HCN4: variants seen among roughly 807,000 people sequenced by gnomAD.
HCN4 encodes the protein potassium/sodium hyperpolarization-activated cyclic nucleotide-gated channel 4.
In HCN4, 29 loss-of-function variants were observed where a neutral mutation model predicts 76.9. The ratio of observed to expected loss-of-function variants is 0.38; its 90% CI spans 0.28 to 0.51. The LOEUF is 0.51. Ranked by LOEUF, HCN4 falls within the 20% of genes least tolerant of loss-of-function variation. The pLI is 0.90. For synonymous variants in HCN4, 772 were observed against 762.5 expected, an observed-to-expected ratio of 1.01 and a Z score of -0.21; for missense variants, 1,416 against 1,715.2, an observed-to-expected ratio of 0.83 and a Z score of 3.08.
At chr15:73,362,521 A>C (rs757721220) in intron 1 of HCN4, among the ~76,000 whole-genome samples, 1 of 152,248 alleles carries the variant, frequency 6.6e-6, no homozygotes, top group Non-Finnish European at 1.5e-5. Context: ...ATGACATTAC[A>C]GCAGGACAAG....
chr15:73,355,556 C>T (rs553352567), intron 1 of HCN4, among the ~76,000 whole-genome samples: 6 of 152,284 alleles, frequency 3.9e-5, no homozygotes, highest in African/African-American at 9.6e-5. Context: ...TTCCAGGGTA[C>T]ATGAGGGGCT....
chr15:73,342,474 G>A (rs1367180755), intron 2 of HCN4: 1 of 152,272 alleles, frequency 6.6e-6, no homozygotes, highest in African/African-American at 2.4e-5. Flanking sequence ...GGCTGGCAGT[G>A]CCTTGAACCA....
chr15:73,334,632 C>T (rs1184262832), intron 2 of HCN4, among the ~76,000 whole-genome samples: 1 of 151,946 alleles, frequency 6.6e-6, no homozygotes, highest in Non-Finnish European at 1.5e-5. Context: ...TGACACAGCA[C>T]CATTCACGGT....
rs555438870 is a variant in HCN4, at chr15:73,338,826, G to A, written c.1209+4559C>T. Among the ~76,000 whole-genome samples the A allele has an allele frequency of 7.9e-5, 12 of 152,366 alleles. No homozygotes were observed. The South Asian group carries it at 1.2e-3, about 16-fold the overall frequency. Reference sequence around the variant, plus strand: ...CCTGGCAGAACAGGCTGCTGCATATGCATGCTGGGTGCAGTTTGAAGGCAG... The same window carrying A: ...CCTGGCAGAACAGGCTGCTGCATATACATGCTGGGTGCAGTTTGAAGGCAG... On this transcript the variant is annotated intron_variant, in intron 2 of 7. Transcript: ENST00000261917.
chr15:73,328,502 A>G lies in HCN4; in HGVS notation c.1590+1071T>C, dbSNP rs1345769427. Among the ~76,000 whole-genome samples, 2 of 151,976 alleles carry G rather than the reference A, an allele frequency of 1.3e-5. No individual in the cohort carries two copies. Among genetic ancestry groups the G allele is most frequent in the Non-Finnish European group, 2.9e-5 (2 of 68,006 alleles). On this transcript the variant is annotated intron_variant, in intron 4 of 7. Coordinates refer to ENST00000261917, the MANE Select transcript of HCN4 (RefSeq NM_005477.3). The surrounding 1 kb of genome is among the most constrained non-coding windows in gnomAD (Gnocchi z 4.0). ...CTGACGTGTTTTAGATGCCGCTCCA[A>G]CTGCTGTGTGAGGTGTGCAGTGGAA...
chr15:73,324,865 G>T, intron 6 of HCN4, 90 bp downstream of exon 6: 1 of 1,521,096 alleles, frequency 6.6e-7, no homozygotes, highest in Non-Finnish European at 9.0e-7. Context: ...TGGCCAAGAA[G>T]GGTGCTCACT....
Position 73,324,207 on chromosome 15 carries a change from G to T in HCN4, c.2025C>A (p.Ala675=). 1 of 1,614,044 alleles carries T rather than the reference G, an allele frequency of 6.2e-7. No homozygotes were observed. Among genetic ancestry groups the T allele is most frequent in the Non-Finnish European group, 8.5e-7 (1 of 1,179,966 alleles). Residue 675 remains alanine (A), a synonymous_variant, in exon 7 of 8, where the codon GCC becomes GCA. Transcript: ENST00000261917. ...GCGAGTAGAGGCGGCAGTAGGTGTC[G>T]GCCCTCACGCTGGCTGTGCGCCGGC... ...TRGRRTASVR[A]DTYCRLYSLS...
At chr15:73,359,899 C>A (rs1212212570) in intron 1 of HCN4, among the ~76,000 whole-genome samples, 2 of 152,230 alleles carry the variant, frequency 1.3e-5, no homozygotes, top group Non-Finnish European at 2.9e-5. Context: ...ACCCCAATCA[C>A]CGCCATCCAT....
In HCN4 at chr15:73,323,289, G is replaced by T. The variant is rs775803239; in HGVS notation, c.2804C>A (p.Ser935Tyr). 3.1e-5 allele frequency: 47 copies of T among 1,538,986 alleles called. No individual in the cohort carries two copies. The African/African-American group carries it at 5.3e-4, about 17-fold the overall frequency. The change falls in exon 8 of 8, where the codon TCC becomes TAC. Residue 935 changes from serine to tyrosine, a missense_variant. Ser to Tyr is a moderately radical substitution (Grantham distance 144, BLOSUM62 -2). Around this residue, in one of 6 missense-constraint regions of HCN4, gnomAD observed 633 missense variants for 579.8 expected, o/e 1.09. Transcript: ENST00000261917. ...GGGAGATGGCTGGGCAGCCTGCGGG[G>T]AGCGGGCGCCTGGCTGCAGCGGGGT... ...LLTPLQPGAR[S>Y]PQAAQPSPAP...
chr15:73,324,307 G>C (rs1033909122), intron 6 of HCN4, 54 bp from the exon 7 acceptor site: 143 of 1,587,168 alleles, frequency 9.0e-5, no homozygotes, highest in Non-Finnish European at 1.1e-4. Context: ...CCAGGCCAGG[G>C]GGACTGCCCA....
In HCN4 at chr15:73,322,841, C is replaced by G; in HGVS notation, c.3252G>C (p.Lys1084Asn). The G allele has an allele frequency of 2.6e-6, 4 of 1,516,672 alleles. No homozygotes were observed. The highest frequency in any genetic ancestry group is 3.5e-6 in the Non-Finnish European group (4 of 1,134,616). The allele number at this position is 1,516,672 out of a possible 1,614,324, so 94.0% of individuals were successfully genotyped here. A position where few individuals can be genotyped will look rare whatever the true frequency, so the allele number is the denominator to read the frequency against. ...GGGCTGGCTGAGACGCGGAGATGAG[C>G]TTGAGGTCCTGGGTGAGGCGGCCGG... is the stretch of plus-strand genomic sequence containing the variant. ...LTPGRLTQDL[K>N]LISASQPALP... Residue 1084 changes from lysine (K) to asparagine (N), a missense_variant, in exon 8 of 8, where the codon AAG (lysine) becomes AAC (asparagine). Coordinates refer to ENST00000261917, the MANE Select transcript of HCN4 (RefSeq NM_005477.3).
At chr15:73,352,665 A>C (rs1255110419) in intron 1 of HCN4, among the ~76,000 whole-genome samples, 1 of 152,146 alleles carries the variant, frequency 6.6e-6, no homozygotes, top group Non-Finnish European at 1.5e-5. Flanking sequence ...CCAACCACCC[A>C]TAATAAGCCT....
rs1443740780 is a variant in HCN4, at chr15:73,325,487, G to T, written c.1591-43C>A. ...GGGCGTCAGCTCCACCCCACCAGGG[G>T]GCGTCAGCAGCCAGCCCCACCACCT... On this transcript the variant is annotated intron_variant, in intron 4 of 7. Transcript: ENST00000261917. The surrounding 1 kb of genome is among the most constrained non-coding windows in gnomAD (Gnocchi z 7.4). The T allele has an allele frequency of 6.2e-7, 1 of 1,610,082 alleles. No individual in the cohort carries two copies.
rs1490571432 is a variant in HCN4, at chr15:73,343,380, C to A, written c.1209+5G>T. ...TCCCCCAAGAGGTTTGCACTGACCACTTACCTCTTCCCACTGGTGAATATA... is the reference window on the plus strand; with the variant it reads ...TCCCCCAAGAGGTTTGCACTGACCAATTACCTCTTCCCACTGGTGAATATA... On this transcript the variant is annotated splice_donor_5th_base_variant and intron_variant, in intron 2 of 7. Coordinates refer to ENST00000261917, the MANE Select transcript of HCN4 (RefSeq NM_005477.3). This position sits in a 1 kb window ranked among gnomAD's most constrained non-coding sequence, Gnocchi z 5.7. 3 of 1,614,018 alleles carry A rather than the reference C, an allele frequency of 1.9e-6. No individual in the cohort carries two copies. The South Asian group carries it at 3.3e-5, about 18-fold the overall frequency.
Position 73,367,712 on chromosome 15 carries a change from C to T in HCN4, c.559G>A (p.Ala187Thr), listed in dbSNP as rs761571946. The T allele has an allele frequency of 2.3e-5, 37 of 1,597,290 alleles. No homozygotes were observed. The highest frequency in any genetic ancestry group is 3.0e-5 in the Non-Finnish European group (35 of 1,179,022). Reference sequence around the variant, plus strand: ...GCCGCGCCTCCCTCCACTTTGATAGCGGTGTCCACCGAGGGCTGCTCGCAG... The same window carrying T: ...GCCGCGCCTCCCTCCACTTTGATAGTGGTGTCCACCGAGGGCTGCTCGCAG... ...ASCEQPSVDTAIKVEGGAAAG... is the reference protein window; with the variant it reads ...ASCEQPSVDTTIKVEGGAAAG... Residue 187 changes from alanine to threonine, a missense_variant, in exon 1 of 8, where the codon GCT (alanine) becomes ACT (threonine). By Grantham distance (58) the Ala-to-Thr change is moderately conservative. Transcript: ENST00000261917. The surrounding 1 kb of genome is among the most constrained non-coding windows in gnomAD (Gnocchi z 7.5).
chr15:73,354,106 G>A (rs1197956069), intron 1 of HCN4, among the ~76,000 whole-genome samples: 1 of 152,184 alleles, frequency 6.6e-6, no homozygotes, highest in East Asian at 1.9e-4. Context: ...AGGGCATCTG[G>A]GGCTTGGTTT....
intron 1 of HCN4, among the ~76,000 whole-genome samples, chr15:73,359,969 C>T (rs1174663154): frequency 1.3e-5 from 2 of 152,220 alleles, no homozygotes; most frequent in Non-Finnish European, 2.9e-5. Context: ...CTCTAGCAGT[C>T]AGGACCTGCC....
intron 2 of HCN4, among the ~76,000 whole-genome samples, chr15:73,337,446 C>A (rs184523412): frequency 6.6e-6 from 1 of 152,348 alleles, no homozygotes; most frequent in East Asian, 1.9e-4. Flanking sequence ...TAGAAAGAGT[C>A]CCAGACTGTC....
Position 73,368,361 on chromosome 15 carries a change from G to A in HCN4, c.-91C>T. 2.1e-6 allele frequency: 2 copies of A among 937,586 alleles called. No individual in the cohort carries two copies. Among genetic ancestry groups the A allele is most frequent in the African/African-American group, 3.5e-5 (2 of 57,406 alleles). 58.1% of individuals were successfully genotyped at this position (937,586 alleles called of 1,614,324 possible). A position where few individuals can be genotyped will look rare whatever the true frequency, so the allele number is the denominator to read the frequency against. ...TCCGCCCGCCGGTCAGTCCGCCCGTGGGGACGCGTCCTTTGCCGCCGGCGT... is the reference window on the plus strand; with the variant it reads ...TCCGCCCGCCGGTCAGTCCGCCCGTAGGGACGCGTCCTTTGCCGCCGGCGT... On this transcript the variant is annotated 5_prime_UTR_variant, in exon 1 of 8. Coordinates refer to ENST00000261917, the MANE Select transcript of HCN4 (RefSeq NM_005477.3). This position sits in a 1 kb window ranked among gnomAD's most constrained non-coding sequence, Gnocchi z 6.9.
Sources: gnomAD v4.1 joint callset for allele counts (sites outside exome capture counted in the v4.1 genomes callset) on GRCh38, gnomAD v4.1.1 for gene constraint, gnomAD v4.1.1 regional missense constraint, Gnocchi (gnomAD v3.1) non-coding constraint, MANE v1.5 for transcripts, NCBI Gene and HGNC (gene_info 2026-07-23, HGNC 2026-07-21) for gene names.